The following KCNIP1 variants were observed in gnomAD, a reference collection of about 807,000 sequenced individuals.
KCNIP1 encodes the protein A-type potassium channel modulatory protein KCNIP1.
Under a neutral mutation model 33.0 loss-of-function variants are expected in KCNIP1, and 18 were observed. The observed-to-expected ratio is 0.55, with a 90% CI of 0.38 to 0.81. The LOEUF (loss-of-function observed/expected upper bound fraction) is 0.81. Ranked by LOEUF, KCNIP1 falls within the 30% of genes least tolerant of loss-of-function variation. The probability of loss-of-function intolerance (pLI) is 0.00; values close to 1 mark genes in which losing one functional copy is unlikely to be tolerated. For missense variants in KCNIP1, 238 were observed against 271.6 expected (o/e 0.88, Z 0.87); for synonymous variants, 93 against 98.3 (o/e 0.95, Z 0.32).
chr5:170,695,708 C>G (rs1026539930), intron 1 of KCNIP1, among the ~76,000 whole-genome samples: 1 of 152,188 alleles, frequency 6.6e-6, no homozygotes, highest in East Asian at 1.9e-4. Flanking sequence ...CCTTGTCAGA[C>G]AGGTGAATGG....
chr5:170,662,991 A>T (rs1015544133), intron 1 of KCNIP1, among the ~76,000 whole-genome samples: 1 of 152,156 alleles, frequency 6.6e-6, no homozygotes, highest in Non-Finnish European at 1.5e-5. Flanking sequence ...TTTTCTTGGC[A>T]TTTGCCTAAA....
chr5:170,440,482 G>A (rs1301902548), intron 1 of KCNIP1, among the ~76,000 whole-genome samples: 1 of 152,204 alleles, frequency 6.6e-6, no homozygotes, highest in Non-Finnish European at 1.5e-5. Context: ...AGGAAACACG[G>A]AACTGAAGGA....
upstream of KCNIP1, among the ~76,000 whole-genome samples, chr5:170,500,300 C>T (rs80082634): frequency 0.09 from 13,744 of 152,148 alleles, 831 homozygotes; most frequent in African/African-American, 0.16. Flanking sequence ...AGCTTCAACA[C>T]AGGGATTTTG....
chr5:170,439,723 G>C (rs1755945815), intron 1 of KCNIP1, among the ~76,000 whole-genome samples: 1 of 152,248 alleles, frequency 6.6e-6, no homozygotes, highest in Admixed American at 6.5e-5. Flanking sequence ...AGTCCCTAAG[G>C]CTTCCAGCAA....
Position 170,732,817 on chromosome 5 carries a change from C to G in KCNIP1, c.453C>G (p.Val151=), listed in dbSNP as rs112484620. ...TGCTCCAGGAGATGATGGACATTGT[C>G]AAAGCCATCTATGACATGATGGGGA... ...YINKEEMMDI[V]KAIYDMMGKY... is the part of the protein sequence containing the mutation. The change falls in exon 6 of 8, where the codon GTC becomes GTG. Residue 151 remains valine, a synonymous_variant. Coordinates refer to ENST00000328939, the MANE Select transcript of KCNIP1 (RefSeq NM_014592.4). 2.3e-5 allele frequency: 37 copies of G among 1,612,262 alleles called. No homozygotes were observed. The Middle Eastern group carries it at 5.0e-4, about 22-fold the overall frequency.
intron 1 of KCNIP1, among the ~76,000 whole-genome samples, chr5:170,655,664 G>C (rs902443192): frequency 6.6e-6 from 1 of 152,204 alleles, no homozygotes; most frequent in African/African-American, 2.4e-5. Flanking sequence ...TGTCAGAGTA[G>C]AGGAGAAATG....
chr5:170,415,215 G>A (rs1400942023), intron 1 of KCNIP1, among the ~76,000 whole-genome samples: 4 of 152,144 alleles, frequency 2.6e-5, no homozygotes, highest in African/African-American at 9.7e-5. Flanking sequence ...AAGCCGGGGA[G>A]GGGTTTGCCT....
At chr5:170,728,854 A>G (rs1466739781) in intron 5 of KCNIP1, among the ~76,000 whole-genome samples, 2 of 152,130 alleles carry the variant, frequency 1.3e-5, no homozygotes, top group East Asian at 3.8e-4. Flanking sequence ...GATAATTTTC[A>G]AAAAGAAGAA....
At position 170,733,904 on chromosome 5, in the gene KCNIP1, G is replaced by T; in HGVS notation, c.603+6G>T. ...TTCTTGAATCATGTCAGGAGGTAAG[G>T]AGAGATCTCAGGGCACAATAACTCT... On this transcript the variant is annotated splice_donor_region_variant and intron_variant, in intron 7 of 7. Transcript: ENST00000328939. The T allele has an allele frequency of 6.2e-7, 1 of 1,611,872 alleles. No homozygotes were observed. The highest frequency in any genetic ancestry group is 1.1e-5 in the South Asian group (1 of 90,994).
intron 1 of KCNIP1, among the ~76,000 whole-genome samples, chr5:170,613,518 T>C (rs116538505): frequency 0.02 from 3,029 of 151,870 alleles, 46 homozygotes; most frequent in South Asian, 0.042. Context: ...TGTCCAAAAC[T>C]ACACAGCTAA....
chr5:170,543,986 C>T (rs1756312627), intron 1 of KCNIP1, among the ~76,000 whole-genome samples: 1 of 152,168 alleles, frequency 6.6e-6, no homozygotes, highest in African/African-American at 2.4e-5. Context: ...GGAGGTAAAA[C>T]TTAAGCGTGC....
intron 1 of KCNIP1, among the ~76,000 whole-genome samples, chr5:170,589,803 C>CGGTGT (rs1758164634): frequency 1.6e-5 from 2 of 128,076 alleles, no homozygotes; most frequent in South Asian, 5.3e-4. Context: ...GTGTGCGGTG[C>CGGTGT]GGTGCGGTGC....
At chr5:170,374,765 C>G (rs920236286) in intron 1 of KCNIP1, 1 of 152,176 alleles carries the variant, frequency 6.6e-6, no homozygotes, top group African/African-American at 2.4e-5. Context: ...GGTCTAACTC[C>G]ATCATGCCTA....
intron 1 of KCNIP1, among the ~76,000 whole-genome samples, chr5:170,401,743 C>T (rs911106690): frequency 2.7e-5 from 4 of 149,936 alleles, no homozygotes; most frequent in Non-Finnish European, 5.9e-5. Flanking sequence ...GCTTGAGTGA[C>T]GTTGAGACTC....
chr5:170,673,762 C>T (rs532045387), intron 1 of KCNIP1, among the ~76,000 whole-genome samples: 10 of 152,252 alleles, frequency 6.6e-5, no homozygotes, highest in South Asian at 4.1e-4. Context: ...TCACTCTCAA[C>T]GCTTTATTAA....
In KCNIP1 at chr5:170,587,421, C is replaced by CAAAAAAAAAAAAAAA. The variant is rs56358014; in HGVS notation, c.61+82799_61+82813dup. On this transcript the variant is annotated intron_variant, in intron 1 of 7. Coordinates refer to ENST00000328939, the MANE Select transcript of KCNIP1 (RefSeq NM_014592.4). ...TGGGCAACAGAGCGAGACTCTGTCT[C>CAAAAAAAAAAAAAAA]AAAAAAAAAAAAAAAAAAAAAAAAA... 6.4e-4 allele frequency among the ~76,000 whole-genome samples: 45 copies of CAAAAAAAAAAAAAAA among 70,328 alleles called. 2 individuals carry two copies. Among genetic ancestry groups the CAAAAAAAAAAAAAAA allele is most frequent in the Non-Finnish European group, 7.4e-4 (27 of 36,460 alleles). 46.1% of individuals were successfully genotyped at this position (70,328 alleles called of 152,430 possible). A position where few individuals can be genotyped will look rare whatever the true frequency, so the allele number is the denominator to read the frequency against.
At chr5:170,425,392 C>T (rs1755589204) in intron 1 of KCNIP1, among the ~76,000 whole-genome samples, 1 of 152,226 alleles carries the variant, frequency 6.6e-6, no homozygotes, top group African/African-American at 2.4e-5. Flanking sequence ...TACCTCCAGG[C>T]TCAGGCCCCA....
chr5:170,665,511 A>G (rs1761670846), intron 1 of KCNIP1, among the ~76,000 whole-genome samples: 1 of 152,242 alleles, frequency 6.6e-6, no homozygotes, highest in Non-Finnish European at 1.5e-5. Context: ...ATAGTTAGAG[A>G]AAAACTTCAA....
chr5:170,509,851 A>G (rs959957855), intron 1 of KCNIP1, among the ~76,000 whole-genome samples: 1 of 152,120 alleles, frequency 6.6e-6, no homozygotes, highest in Admixed American at 6.5e-5. Flanking sequence ...AGGTGAGGAG[A>G]TGTCTCTAAG....
Sources: allele counts gnomAD v4.1 joint callset (sites outside exome capture counted in the v4.1 genomes callset), GRCh38; gene constraint gnomAD v4.1.1; transcripts MANE v1.5; gene names NCBI Gene and HGNC (gene_info 2026-07-23, HGNC 2026-07-21).